Variants in ARFGEF2 observed in about 807,000 individuals in gnomAD.
The protein encoded by ARFGEF2 is ARF guanine nucleotide exchange factor 2.
In ARFGEF2, 74 loss-of-function variants were observed where a neutral mutation model predicts 219.9. That is an observed-to-expected ratio of 0.34 (90% CI 0.28 to 0.41). The LOEUF (loss-of-function observed/expected upper bound fraction) is 0.41, where lower values mean the gene tolerates loss of function less well. Among genes scored for constraint, ARFGEF2 ranks in the 10% least tolerant of loss-of-function variants. ARFGEF2 has a pLI of 1.00. For missense variants in ARFGEF2, 1,743 were observed against 2,218.3 expected, an observed-to-expected ratio of 0.79 and a Z score of 4.30; for synonymous variants, 733 against 799.2, an observed-to-expected ratio of 0.92 and a Z score of 1.40.
chr20:49,019,109 G>T (rs2091548683), intron 34 of ARFGEF2, 111 bp downstream of exon 34: 2 of 896,516 alleles, frequency 2.2e-6, no homozygotes, highest in East Asian at 2.8e-5. Flanking sequence ...CTGTGCCTCA[G>T]TCTGCCAGTT....
rs2091513916 is a variant in ARFGEF2 at position 49,013,650 on chromosome 20, A to G, written c.4005A>G (p.Glu1335=). ...GAGGCTGGTTCCCCATCTTATTCGA[A>G]CTCTCCTGCATCATTAATAGATGCA... is the stretch of plus-strand genomic sequence containing the variant. The part of the protein sequence containing the change: ...WVRGWFPILF[E]LSCIINRCKL... The change falls in exon 29 of 39, where the codon GAA becomes GAG. Residue 1335 remains glutamate, a synonymous_variant. Coordinates refer to ENST00000371917, the MANE Select transcript of ARFGEF2 (RefSeq NM_006420.3). 1.2e-6 allele frequency: 2 copies of G among 1,613,822 alleles called. No individual in the cohort carries two copies. Among genetic ancestry groups the G allele is most frequent in the Admixed American group, 1.7e-5 (1 of 59,952 alleles).
intron 37 of ARFGEF2, among the ~76,000 whole-genome samples, chr20:49,030,243 G>A: frequency 6.6e-6 from 1 of 151,992 alleles, no homozygotes. Context: ...TACTTAATGT[G>A]GGAACTTTTT....
intron 25 of ARFGEF2, among the ~76,000 whole-genome samples, chr20:49,001,287 G>A (rs1401677472): frequency 6.6e-6 from 1 of 151,988 alleles, no homozygotes; most frequent in Non-Finnish European, 1.5e-5. Flanking sequence ...TGATCTGCTC[G>A]CCTCAGCCTC....
chr20:49,035,755 T>A lies in ARFGEF2; in HGVS notation c.*2556T>A. Reference sequence around the variant, plus strand: ...CTAGAGAAGTTTTTATTTGTTACAATACTGCTGCTTTGAGCAATTTTGTTT... The same window carrying A: ...CTAGAGAAGTTTTTATTTGTTACAAAACTGCTGCTTTGAGCAATTTTGTTT... On this transcript the variant is annotated 3_prime_UTR_variant, in exon 39 of 39. Transcript: ENST00000371917. The A allele has an allele frequency of 6.5e-6, 1 of 154,174 alleles. No individual in the cohort carries two copies. Among genetic ancestry groups the A allele is most frequent in the Non-Finnish European group, 1.4e-5 (1 of 69,668 alleles). 9.6% of individuals were successfully genotyped at this position (154,174 alleles called of 1,614,324 possible).
chr20:48,934,335 T>A (rs1197059698), intron 1 of ARFGEF2, among the ~76,000 whole-genome samples: 2 of 150,150 alleles, frequency 1.3e-5, no homozygotes, highest in East Asian at 3.9e-4. Context: ...TCCCTCCGTT[T>A]AAAAAAAAAA....
At chr20:49,023,481 A>G (rs7271030) in intron 35 of ARFGEF2, among the ~76,000 whole-genome samples, 1,918 of 151,562 alleles carry the variant, frequency 0.013, 51 homozygotes, top group African/African-American at 0.044. Context: ...GTTAGTTATC[A>G]CAGGAACTAT....
In ARFGEF2 at chr20:48,969,244, T is replaced by G; in HGVS notation, c.1157T>G (p.Met386Arg). The change falls in exon 9 of 39, where the codon ATG (methionine) becomes AGG (arginine). Residue 386 changes from methionine (M) to arginine (R), a missense_variant. Coordinates refer to ENST00000371917, the MANE Select transcript of ARFGEF2 (RefSeq NM_006420.3). ...TTCCGCTCCCTGTGCAAGCTGTCCATGAAACCCCTTGGTGAAGGCCCTCCA... is the reference window on the plus strand; with the variant it reads ...TTCCGCTCCCTGTGCAAGCTGTCCAGGAAACCCCTTGGTGAAGGCCCTCCA... ...LVFRSLCKLS[M>R]KPLGEGPPDP... 6.2e-7 allele frequency: 1 copy of G among 1,614,242 alleles called. No individual in the cohort carries two copies. Among genetic ancestry groups the G allele is most frequent in the Non-Finnish European group, 8.5e-7 (1 of 1,180,042 alleles).
rs558842301 is a variant in ARFGEF2, at chr20:49,002,964, C to CTT, written c.3433-2086_3433-2085dup. Among the ~76,000 whole-genome samples, 474 of 112,654 alleles carry CTT rather than the reference C, an allele frequency of 4.2e-3. 2 individuals carry two copies. Among genetic ancestry groups the CTT allele is most frequent in the African/African-American group, 0.015 (442 of 29,402 alleles). 73.9% of individuals were successfully genotyped at this position (112,654 alleles called of 152,430 possible). ...CTTGGCCCAATTTTTATTTTTTTAACTTTTTTTTTTTTTTTTTTTTTAGAG... is the reference window on the plus strand; with the variant it reads ...CTTGGCCCAATTTTTATTTTTTTAACTTTTTTTTTTTTTTTTTTTTTTTAGAG... On this transcript the variant is annotated intron_variant, in intron 25 of 38. Transcript: ENST00000371917.
intron 27 of ARFGEF2, 43 bp downstream of exon 27, chr20:49,010,447 G>A: frequency 6.2e-7 from 1 of 1,606,472 alleles, no homozygotes. Context: ...CCACCTGCAA[G>A]TCTAGAAGAG....
intron 6 of ARFGEF2, among the ~76,000 whole-genome samples, chr20:48,959,867 C>T (rs963110837): frequency 1.3e-5 from 2 of 151,950 alleles, no homozygotes; most frequent in Non-Finnish European, 2.9e-5. Flanking sequence ...TCCCAAAGTG[C>T]TGGGATTACA....
At chr20:49,024,320 G>A (rs1053887752) in intron 35 of ARFGEF2, among the ~76,000 whole-genome samples, 1 of 152,122 alleles carries the variant, frequency 6.6e-6, no homozygotes, top group Non-Finnish European at 1.5e-5. Context: ...TCCAAAAGTT[G>A]GACAGTTATC....
intron 12 of ARFGEF2, among the ~76,000 whole-genome samples, chr20:48,973,654 T>A: frequency 6.6e-6 from 1 of 152,120 alleles, no homozygotes; most frequent in East Asian, 1.9e-4. Context: ...CAGTCTGCAA[T>A]AGGGGCAAAG....
At chr20:49,024,424 C>T (rs2091588371) in intron 35 of ARFGEF2, among the ~76,000 whole-genome samples, 2 of 152,224 alleles carry the variant, frequency 1.3e-5, no homozygotes, top group East Asian at 3.9e-4. Context: ...TTGTGGTAAA[C>T]CAGAAATCTC....
chr20:49,002,032 G>A (rs6066943), intron 25 of ARFGEF2, among the ~76,000 whole-genome samples: 13 of 152,228 alleles, frequency 8.5e-5, no homozygotes, highest in Admixed American at 7.2e-4. Flanking sequence ...GATCATCTGA[G>A]GTCAGGAGTT....
Position 49,023,189 on chromosome 20 carries a change from C to G in ARFGEF2, c.4755+8C>G, listed in dbSNP as rs919964780. 6.2e-7 allele frequency: 1 copy of G among 1,613,896 alleles called. No homozygotes were observed. The highest frequency in any genetic ancestry group is 1.3e-5 in the African/African-American group (1 of 74,908). On this transcript the variant is annotated splice_region_variant and intron_variant, in intron 35 of 38. Coordinates refer to ENST00000371917, the MANE Select transcript of ARFGEF2 (RefSeq NM_006420.3). ...CACATGGTTGCCGCCCAGGTAAGAA[C>G]AGGAGGCCTCAGGAAGAGCATCCCT...
At chr20:48,994,756 TAATTGTGATTAAACTGTTGAGTAA>T (rs1394135233) in intron 22 of ARFGEF2, among the ~76,000 whole-genome samples, 158 bp downstream of exon 22, 1 of 152,212 alleles carries the variant, frequency 6.6e-6, no homozygotes, top group East Asian at 1.9e-4. Flanking sequence ...TTTGGCCTCT[TAATTGTGATTAAACTGTTGAGTAA>T]AATGTCTATT....
At chr20:48,992,611 A>G (rs1353836245) in intron 21 of ARFGEF2, among the ~76,000 whole-genome samples, 1 of 152,196 alleles carries the variant, frequency 6.6e-6, no homozygotes, top group Non-Finnish European at 1.5e-5. Context: ...ATGAAAATGA[A>G]GAGGGCTTGG....
intron 6 of ARFGEF2, among the ~76,000 whole-genome samples, chr20:48,958,950 A>T (rs1189427769): frequency 1.3e-5 from 2 of 152,220 alleles, no homozygotes; most frequent in African/African-American, 4.8e-5. Context: ...CTGGCTGAAG[A>T]GGGCAGCTTC....
At chr20:48,990,448 G>T (rs538836356) in intron 20 of ARFGEF2, among the ~76,000 whole-genome samples, 2 of 152,176 alleles carry the variant, frequency 1.3e-5, no homozygotes, top group Admixed American at 6.5e-5. Context: ...AAACTGTTAC[G>T]AAATTAGGAG....
Sources: allele counts gnomAD v4.1 joint callset (sites outside exome capture counted in the v4.1 genomes callset), GRCh38; gene constraint gnomAD v4.1.1; transcripts MANE v1.5; gene names NCBI Gene and HGNC (gene_info 2026-07-23, HGNC 2026-07-21).